Variants in IL12RB2 observed in about 807,000 individuals in gnomAD.
IL12RB2 encodes the protein interleukin-12 receptor subunit beta-2.
IL12RB2 carries 82 observed loss-of-function variants against 89.4 expected under a neutral mutation model. The ratio of observed to expected loss-of-function variants is 0.92; its 90% CI spans 0.77 to 1.10. The LOEUF (loss-of-function observed/expected upper bound fraction) is 1.10. Among genes scored for constraint, IL12RB2 ranks in the 50% least tolerant of loss-of-function variants. IL12RB2 has a pLI of 0.00. For synonymous variants in IL12RB2, 368 were observed against 370.1 expected, an observed-to-expected ratio of 0.99 and a Z score of 0.07; for missense variants, 963 against 1,031.9, an observed-to-expected ratio of 0.93 and a Z score of 0.92.
chr1:67,396,147 A>G lies in IL12RB2; in HGVS notation c.*58A>G, dbSNP rs1307238076. 2 of 1,002,070 alleles carry G rather than the reference A, an allele frequency of 2.0e-6. No individual in the cohort carries two copies. Among genetic ancestry groups the G allele is most frequent in the Non-Finnish European group, 3.2e-6 (2 of 629,580 alleles). 62.1% of individuals were successfully genotyped at this position (1,002,070 alleles called of 1,614,324 possible). A position where few individuals can be genotyped will look rare whatever the true frequency, so the allele number is the denominator to read the frequency against. ...CCCTCAACCAGCACAGCCTGCCCCA[A>G]TTCCCCCAGCCCCTGCTCCAGCAGC... On this transcript the variant is annotated 3_prime_UTR_variant, in exon 17 of 17. Coordinates refer to ENST00000674203, the MANE Select transcript of IL12RB2 (RefSeq NM_001374259.2).
Position 67,330,646 on chromosome 1 carries a change from A to T in IL12RB2, c.808-14A>T, listed in dbSNP as rs1011245994. The T allele has an allele frequency of 1.4e-6, 2 of 1,391,244 alleles. No individual in the cohort carries two copies. The highest frequency in any genetic ancestry group is 1.4e-5 in the African/African-American group (1 of 70,718). The allele number at this position is 1,391,244 out of a possible 1,614,324, so 86.2% of individuals were successfully genotyped here. A position where few individuals can be genotyped will look rare whatever the true frequency, so the allele number is the denominator to read the frequency against. On this transcript the variant is annotated splice_polypyrimidine_tract_variant and intron_variant, in intron 7 of 16. Coordinates refer to ENST00000674203, the MANE Select transcript of IL12RB2 (RefSeq NM_001374259.2). The stretch of plus-strand genomic sequence containing the variant: ...TAGTATTAATAGGCACTTTAAAAAA[A>T]TGTCTGTTTCAAGGTTAATGTTACA...
At chr1:67,348,824 C>A (rs1024894951) in intron 9 of IL12RB2, among the ~76,000 whole-genome samples, 1 of 152,078 alleles carries the variant, frequency 6.6e-6, no homozygotes, top group African/African-American at 2.4e-5. Flanking sequence ...TTAAGGAGAC[C>A]AATTACCTAA....
rs1210155904 is a variant in IL12RB2, at chr1:67,320,449, G to C, written c.76+5G>C. 2 of 1,613,572 alleles carry C rather than the reference G, an allele frequency of 1.2e-6. No individual in the cohort carries two copies. Among genetic ancestry groups the C allele is most frequent in the African/African-American group, 2.7e-5 (2 of 74,918 alleles). On this transcript the variant is annotated splice_donor_5th_base_variant and intron_variant, in intron 3 of 16. Coordinates refer to ENST00000674203, the MANE Select transcript of IL12RB2 (RefSeq NM_001374259.2). ...TGTTGATTAAAGCAAAAATAGGTAA[G>C]ATATTTCTGTAAGTTACTCTGTGGA... is the stretch of plus-strand genomic sequence containing the variant.
At chr1:67,308,177 C>A (rs1654533294) in intron 1 of IL12RB2, among the ~76,000 whole-genome samples, 1 of 152,004 alleles carries the variant, frequency 6.6e-6, no homozygotes, top group South Asian at 2.1e-4. Flanking sequence ...GTCCTAACGC[C>A]CTGGGCACAG....
At chr1:67,361,031 C>T (rs1272217128) in intron 10 of IL12RB2, among the ~76,000 whole-genome samples, 1 of 152,102 alleles carries the variant, frequency 6.6e-6, no homozygotes, top group East Asian at 1.9e-4. Context: ...CTCGAGCCCA[C>T]TGTAGCCATC....
At chr1:67,322,052 A>T (rs962111466) in intron 4 of IL12RB2, among the ~76,000 whole-genome samples, 163 bp downstream of exon 4, 1 of 151,932 alleles carries the variant, frequency 6.6e-6, no homozygotes, top group Non-Finnish European at 1.5e-5. Context: ...CTTCAATGTG[A>T]GTTCAGAAAC....
chr1:67,363,220 T>A (rs1454695462), intron 10 of IL12RB2, among the ~76,000 whole-genome samples: 34 of 146,102 alleles, frequency 2.3e-4, no homozygotes, highest in Non-Finnish European at 4.2e-4. Context: ...TATTTTTTTT[T>A]TTTTTTTTTT....
chr1:67,380,065 A>G lies in IL12RB2; in HGVS notation c.1797A>G (p.Thr599=). 2 of 1,614,082 alleles carry G rather than the reference A, an allele frequency of 1.2e-6. No individual in the cohort carries two copies. The highest frequency in any genetic ancestry group is 1.1e-5 in the South Asian group (1 of 91,082). Residue 599 remains threonine, a synonymous_variant, in exon 14 of 17, where the codon ACA becomes ACG. Coordinates refer to ENST00000674203, the MANE Select transcript of IL12RB2 (RefSeq NM_001374259.2). ...GAGTGACATATGTCCTGTGGATGAC[A>G]GCTCTGACAGCTGCTGGTGAAAGTT... ...QPRVTYVLWM[T]ALTAAGESSH...
At chr1:67,326,610 TA>T in intron 4 of IL12RB2, 124 bp from the exon 5 acceptor site, 1 of 1,459,862 alleles carries the variant, frequency 6.8e-7, no homozygotes, top group South Asian at 1.2e-5. Flanking sequence ...GAATCTAAAA[TA>T]GCTTCTAGTT....
At chr1:67,323,678 C>A (rs988049942) in intron 4 of IL12RB2, among the ~76,000 whole-genome samples, 2 of 152,176 alleles carry the variant, frequency 1.3e-5, no homozygotes, top group African/African-American at 4.8e-5. Context: ...TTAAACTATG[C>A]TCAAAATATT....
chr1:67,339,475 A>G (rs532145066), intron 9 of IL12RB2, among the ~76,000 whole-genome samples: 1 of 149,998 alleles, frequency 6.7e-6, no homozygotes, highest in African/African-American at 2.5e-5. Context: ...TGACAGAGTG[A>G]GACTACGTTT....
intron 10 of IL12RB2, among the ~76,000 whole-genome samples, chr1:67,354,494 G>A (rs1661171662): frequency 1.3e-5 from 2 of 152,156 alleles, no homozygotes; most frequent in South Asian, 4.1e-4. Context: ...CTAAGAATGA[G>A]GTTGATGCAG....
intron 1 of IL12RB2, among the ~76,000 whole-genome samples, chr1:67,311,060 G>C (rs2100501796): frequency 6.6e-6 from 1 of 152,216 alleles, no homozygotes; most frequent in Middle Eastern, 3.4e-3. Flanking sequence ...ACAGATGAAG[G>C]AACTTAGGCT....
intron 16 of IL12RB2, among the ~76,000 whole-genome samples, chr1:67,394,946 G>A (rs1284446813): frequency 6.6e-6 from 1 of 152,164 alleles, no homozygotes; most frequent in Non-Finnish European, 1.5e-5. Flanking sequence ...CTGTCCTCAA[G>A]GAAAAGCAGG....
Position 67,330,825 on chromosome 1 carries a change from T to C in IL12RB2, c.958+15T>C. On this transcript the variant is annotated intron_variant, in intron 8 of 16. Coordinates refer to ENST00000674203, the MANE Select transcript of IL12RB2 (RefSeq NM_001374259.2). ...ACCAGAAGAAGGTATATGTCCAAAA[T>C]ATACATACCTATCGGGGAGCAATAA... 7.1e-7 allele frequency: 1 copy of C among 1,403,990 alleles called. No individual in the cohort carries two copies. The highest frequency in any genetic ancestry group is 1.0e-6 in the Non-Finnish European group (1 of 988,874). 87.0% of individuals were successfully genotyped at this position (1,403,990 alleles called of 1,614,324 possible). A position where few individuals can be genotyped will look rare whatever the true frequency, so the allele number is the denominator to read the frequency against.
chr1:67,384,893 A>G (rs1664977050), intron 14 of IL12RB2, among the ~76,000 whole-genome samples: 1 of 152,238 alleles, frequency 6.6e-6, no homozygotes, highest in African/African-American at 2.4e-5. Flanking sequence ...CATTTTGGTC[A>G]AAGTCACTCG....
intron 8 of IL12RB2, among the ~76,000 whole-genome samples, chr1:67,334,009 G>A (rs1259090823): frequency 6.6e-6 from 1 of 152,114 alleles, no homozygotes; most frequent in Non-Finnish European, 1.5e-5. Flanking sequence ...ATGTTCATTC[G>A]TACTTTGGAG....
At position 67,367,908 on chromosome 1, in the gene IL12RB2, C is replaced by A; in HGVS notation, c.1342C>A (p.Pro448Thr). ...GACTTGGCAGCCTCCCAGGAAAGATCCCTCTGCTGTTCAGGAGTACGTGGT... is the reference window on the plus strand; with the variant it reads ...GACTTGGCAGCCTCCCAGGAAAGATACCTCTGCTGTTCAGGAGTACGTGGT... ...LVTWQPPRKD[P>T]SAVQEYVVEW... is the part of the protein sequence containing the mutation. The change falls in exon 11 of 17, where the codon CCC becomes ACC. Residue 448 changes from proline to threonine, a missense_variant. Pro to Thr is a conservative substitution (Grantham distance 38, BLOSUM62 -1). Coordinates refer to ENST00000674203, the MANE Select transcript of IL12RB2 (RefSeq NM_001374259.2). The A allele has an allele frequency of 4.4e-6, 7 of 1,606,702 alleles. No homozygotes were observed. The highest frequency in any genetic ancestry group is 6.0e-6 in the Non-Finnish European group (7 of 1,173,184).
intron 1 of IL12RB2, among the ~76,000 whole-genome samples, chr1:67,310,000 C>T (rs1195231518): frequency 6.6e-6 from 1 of 151,824 alleles, no homozygotes. Flanking sequence ...CATGGCGAAA[C>T]CCTGTCTCTA....
Sources: allele counts gnomAD v4.1 joint callset (sites outside exome capture counted in the v4.1 genomes callset), GRCh38; gene constraint gnomAD v4.1.1; transcripts MANE v1.5; gene names NCBI Gene and HGNC (gene_info 2026-07-23, HGNC 2026-07-21).